The following SLC17A6 variants were observed in gnomAD, a reference collection of about 807,000 sequenced individuals.
The protein encoded by SLC17A6 is solute carrier family 17 member 6.
SLC17A6 carries 35 observed loss-of-function variants against 67.1 expected under a neutral mutation model. That is an observed-to-expected ratio of 0.52 (90% CI 0.40 to 0.69). The LOEUF (loss-of-function observed/expected upper bound fraction) is 0.69, where lower values mean the gene tolerates loss of function less well. Ranked by LOEUF, SLC17A6 falls within the 30% of genes least tolerant of loss-of-function variation. SLC17A6 has a pLI of 0.00. For missense variants in SLC17A6, 588 were observed against 723.9 expected, an observed-to-expected ratio of 0.81 and a Z score of 2.15; for synonymous variants, 285 against 252.3, an observed-to-expected ratio of 1.13 and a Z score of -1.23.
intron 3 of SLC17A6, among the ~76,000 whole-genome samples, chr11:22,351,216 A>ACT (rs1435165086): frequency 1.3e-5 from 2 of 152,048 alleles, no homozygotes; most frequent in East Asian, 1.9e-4. Context: ...CCCGCACATG[A>ACT]CTCTATAAGG....
At chr11:22,369,620 A>G (rs1175846052) in intron 7 of SLC17A6, among the ~76,000 whole-genome samples, 2 of 151,804 alleles carry the variant, frequency 1.3e-5, no homozygotes, top group Non-Finnish European at 2.9e-5. Context: ...AATACATTGG[A>G]TTTTCAACGT....
intron 3 of SLC17A6, 55 bp downstream of exon 3, chr11:22,343,420 G>A (rs989789722): frequency 2.7e-6 from 4 of 1,465,040 alleles, no homozygotes; most frequent in Middle Eastern, 2.0e-4. Context: ...TCCTCCGAAG[G>A]GGCAGCAGAA....
At chr11:22,362,110 T>C (rs1361075447) in intron 5 of SLC17A6, 1 of 202,870 alleles carries the variant, frequency 4.9e-6, no homozygotes, top group Non-Finnish European at 1.1e-5. Flanking sequence ...CTAGAAAAGC[T>C]AATGAATGCT....
chr11:22,352,738 G>A (rs1317956693), intron 3 of SLC17A6, among the ~76,000 whole-genome samples: 1 of 152,166 alleles, frequency 6.6e-6, no homozygotes, highest in African/African-American at 2.4e-5. Flanking sequence ...GAGACTAGTT[G>A]AAAAAGAGGT....
chr11:22,340,689 C>A (rs904722184), intron 1 of SLC17A6, among the ~76,000 whole-genome samples: 10 of 151,994 alleles, frequency 6.6e-5, no homozygotes, highest in African/African-American at 9.7e-5. Flanking sequence ...ATTAATTATT[C>A]ATGTTCTGGC....
chr11:22,362,143 A>T (rs1564983659), intron 5 of SLC17A6: 1 of 279,408 alleles, frequency 3.6e-6, no homozygotes, highest in Non-Finnish European at 7.3e-6. Context: ...GAGAATTGTC[A>T]GTATGTTTTA....
chr11:22,365,229 T>G (rs767963168), intron 6 of SLC17A6, among the ~76,000 whole-genome samples: 13 of 152,166 alleles, frequency 8.5e-5, no homozygotes, highest in Non-Finnish European at 1.3e-4. Context: ...TTAACCAGAG[T>G]GCCTAGAATG....
chr11:22,359,975 G>C (rs1005760408), intron 4 of SLC17A6, among the ~76,000 whole-genome samples: 1 of 151,986 alleles, frequency 6.6e-6, no homozygotes, highest in African/African-American at 2.4e-5. Flanking sequence ...CAATTCTAAT[G>C]ATCAACTCTT....
chr11:22,377,747 T>G lies in SLC17A6; in HGVS notation c.*7T>G. The G allele has an allele frequency of 6.5e-7, 1 of 1,531,792 alleles. No individual in the cohort carries two copies. The highest frequency in any genetic ancestry group is 8.8e-7 in the Non-Finnish European group (1 of 1,138,916). The allele number at this position is 1,531,792 out of a possible 1,614,324, so 94.9% of individuals were successfully genotyped here. ...CCGAGTTGATTATTCATAACAAAAC[T>G]AATTACTGGATTTATTTTTAGTGTT... On this transcript the variant is annotated 3_prime_UTR_variant, in exon 12 of 12. Transcript: ENST00000263160.
chr11:22,351,629 T>C (rs1213279346), intron 3 of SLC17A6, among the ~76,000 whole-genome samples: 1 of 150,924 alleles, frequency 6.6e-6, no homozygotes, highest in Non-Finnish European at 1.5e-5. Flanking sequence ...TTACTGTGTG[T>C]TTTCTTTAAA....
intron 1 of SLC17A6, among the ~76,000 whole-genome samples, chr11:22,339,181 TTA>T (rs60197884): frequency 0.21 from 17,435 of 82,788 alleles, 3,271 homozygotes; most frequent in East Asian, 0.49. Flanking sequence ...TATATATGTT[TTA>T]TATATATATA....
At chr11:22,348,327 G>A (rs900656921) in intron 3 of SLC17A6, among the ~76,000 whole-genome samples, 3 of 152,152 alleles carry the variant, frequency 2.0e-5, no homozygotes, top group Admixed American at 6.6e-5. Flanking sequence ...ATGAATTAGC[G>A]AGAGAAGCCT....
At chr11:22,370,833 A>G (rs1329341032) in intron 8 of SLC17A6, among the ~76,000 whole-genome samples, 2 of 147,586 alleles carry the variant, frequency 1.4e-5, no homozygotes, top group Non-Finnish European at 2.9e-5. Flanking sequence ...TAACTTCCAC[A>G]GACATTTGTT....
At chr11:22,373,551 G>C (rs143988585) in intron 8 of SLC17A6, among the ~76,000 whole-genome samples, 2 of 151,928 alleles carry the variant, frequency 1.3e-5, no homozygotes, top group African/African-American at 4.8e-5. Context: ...ACTAGACTAA[G>C]CACATTAATA....
chr11:22,351,470 T>C (rs1414110644), intron 3 of SLC17A6, among the ~76,000 whole-genome samples: 2 of 152,206 alleles, frequency 1.3e-5, no homozygotes, highest in East Asian at 1.9e-4. Context: ...GGCATACTGA[T>C]ACTTCTTTTA....
chr11:22,345,256 C>T (rs1361641796), intron 3 of SLC17A6, among the ~76,000 whole-genome samples: 1 of 149,026 alleles, frequency 6.7e-6, no homozygotes, highest in Non-Finnish European at 1.5e-5. Flanking sequence ...TCATGTTTAG[C>T]AATGAAAAGA....
At chr11:22,345,651 T>A (rs1317561442) in intron 3 of SLC17A6, among the ~76,000 whole-genome samples, 1 of 152,170 alleles carries the variant, frequency 6.6e-6, no homozygotes, top group Non-Finnish European at 1.5e-5. Context: ...CATGAACCTA[T>A]AGAAAATTAT....
chr11:22,342,221 G>C (rs1464318489), intron 2 of SLC17A6, among the ~76,000 whole-genome samples: 1 of 152,194 alleles, frequency 6.6e-6, no homozygotes, highest in Non-Finnish European at 1.5e-5. Context: ...GTTCATATCA[G>C]CAGGTTCAGC....
intron 5 of SLC17A6, 147 bp from the exon 6 acceptor site, chr11:22,362,591 GT>G (rs772428804): frequency 1.7e-5 from 11 of 652,222 alleles, no homozygotes; most frequent in Non-Finnish European, 3.1e-5. Flanking sequence ...ACATATATGT[GT>G]TTGGTGATGG....
Sources: allele counts gnomAD v4.1 joint callset (sites outside exome capture counted in the v4.1 genomes callset), GRCh38; gene constraint gnomAD v4.1.1; transcripts MANE v1.5; gene names NCBI Gene and HGNC (gene_info 2026-07-23, HGNC 2026-07-21).